The following MTOR variants were observed in gnomAD, a reference collection of about 807,000 sequenced individuals.
MTOR encodes the protein serine/threonine-protein kinase mTOR.
In MTOR, 70 loss-of-function variants were observed where a neutral mutation model predicts 319.8. That is an observed-to-expected ratio of 0.22 (90% CI 0.18 to 0.27). MTOR has a LOEUF of 0.27. Ranked by LOEUF, MTOR falls within the 10% of genes least tolerant of loss-of-function variation. The pLI, the probability that MTOR is intolerant of heterozygous loss-of-function variation, is 1.00. For missense variants in MTOR, 1,890 were observed against 3,274.4 expected (o/e 0.58, Z 10.32); for synonymous variants, 1,183 against 1,211.4 (o/e 0.98, Z 0.49).
At chr1:11,144,531 T>TGGA in intron 34 of MTOR, 117 bp downstream of exon 34, 1 of 746,300 alleles carries the variant, frequency 1.3e-6, no homozygotes, top group Non-Finnish European at 2.3e-6. Flanking sequence ...AGCAATACAC[T>TGGA]GGTGGAGGAG....
At chr1:11,141,256 T>C (rs1237304316) in intron 34 of MTOR, among the ~76,000 whole-genome samples, 1 of 151,490 alleles carries the variant, frequency 6.6e-6, no homozygotes, top group Non-Finnish European at 1.5e-5. Context: ...GCTGGGACTA[T>C]GGGCGCACAT....
chr1:11,258,942 T>A (rs1458562495), intron 2 of MTOR, among the ~76,000 whole-genome samples: 2 of 152,116 alleles, frequency 1.3e-5, no homozygotes, highest in Non-Finnish European at 2.9e-5. Flanking sequence ...CCCATCCCAA[T>A]CACTGTTATC....
At chr1:11,210,994 G>T in intron 23 of MTOR, 88 bp from the exon 24 acceptor site, 1 of 753,856 alleles carries the variant, frequency 1.3e-6, no homozygotes, top group Non-Finnish European at 2.3e-6. Context: ...ACTACATTAT[G>T]ACCATTTCTT....
intron 46 of MTOR, 67 bp from the exon 47 acceptor site, chr1:11,124,700 C>T (rs1416997977): frequency 6.5e-7 from 1 of 1,545,482 alleles, no homozygotes; most frequent in Non-Finnish European, 8.8e-7. Context: ...GAGAGCACCA[C>T]TGCATTCAAG....
chr1:11,122,502 A>AT (rs35016135), intron 47 of MTOR, among the ~76,000 whole-genome samples: 2,769 of 78,734 alleles, frequency 0.035, 123 homozygotes, highest in African/African-American at 0.076. Flanking sequence ...ACCCAGCCCT[A>AT]TTTTTTTTTT....
intron 34 of MTOR, among the ~76,000 whole-genome samples, chr1:11,141,359 T>C (rs1643692978): frequency 6.6e-6 from 1 of 151,978 alleles, no homozygotes; most frequent in East Asian, 1.9e-4. Flanking sequence ...GCTATCTGCC[T>C]GCCTCAGCCT....
intron 28 of MTOR, among the ~76,000 whole-genome samples, chr1:11,196,326 A>T (rs538943771): frequency 1.6e-4 from 25 of 152,286 alleles, no homozygotes; most frequent in African/African-American, 5.3e-4. Context: ...TCTAACAAAT[A>T]ACCACTCAAT....
At chr1:11,215,614 C>T (rs567793322) in intron 20 of MTOR, among the ~76,000 whole-genome samples, 2 of 152,306 alleles carry the variant, frequency 1.3e-5, no homozygotes, top group South Asian at 2.1e-4. Flanking sequence ...GGGGTGTCTT[C>T]TGGCACCTAC....
At position 11,212,912 on chromosome 1, in the gene MTOR, C is replaced by G; in HGVS notation, c.3286-4G>C. 1 of 1,609,180 alleles carries G rather than the reference C, an allele frequency of 6.2e-7. No homozygotes were observed. The highest frequency in any genetic ancestry group is 1.1e-5 in the South Asian group (1 of 90,914). ...ACAGCTGGATTGCAGCCAGTAACTG[C>G]AAAAGGGAGCAAAAGCATGGTGATG... On this transcript the variant is annotated splice_region_variant and splice_polypyrimidine_tract_variant and intron_variant, in intron 21 of 57. Transcript: ENST00000361445. This position sits in a 1 kb window ranked among gnomAD's most constrained non-coding sequence, Gnocchi z 4.1.
rs1642525361 is a variant in MTOR at position 11,121,529 on chromosome 1, T to A, written c.6811-161A>T. ...GAACATGGCAAAAGGAGAAACGAAG[T>A]GACCACTCTAACCTGATGACCACTG... On this transcript the variant is annotated intron_variant, in intron 48 of 57. Coordinates refer to ENST00000361445, the MANE Select transcript of MTOR (RefSeq NM_004958.4). The surrounding 1 kb of genome is among the most constrained non-coding windows in gnomAD (Gnocchi z 4.9). 1.3e-5 allele frequency among the ~76,000 whole-genome samples: 2 copies of A among 152,280 alleles called. No homozygotes were observed. Among genetic ancestry groups the A allele is most frequent in the South Asian group, 4.1e-4 (2 of 4,824 alleles).
intron 26 of MTOR, among the ~76,000 whole-genome samples, chr1:11,200,477 C>A (rs552335606): frequency 2.0e-5 from 3 of 152,158 alleles, no homozygotes; most frequent in Non-Finnish European, 4.4e-5. Flanking sequence ...GACACATTTG[C>A]CATCCCTTAC....
chr1:11,234,408 G>T, intron 13 of MTOR, 143 bp from the exon 14 acceptor site: 2 of 958,892 alleles, frequency 2.1e-6, no homozygotes, highest in Non-Finnish European at 3.1e-6. Context: ...TACTCAATGA[G>T]CAACAGACTT....
intron 36 of MTOR, among the ~76,000 whole-genome samples, chr1:11,135,270 T>C (rs1643348288): frequency 6.6e-6 from 1 of 152,110 alleles, no homozygotes; most frequent in Non-Finnish European, 1.5e-5. Flanking sequence ...TTTTCTGGTT[T>C]TTCTAGAGGG....
At chr1:11,155,454 C>A (rs567963050) in intron 30 of MTOR, among the ~76,000 whole-genome samples, 1 of 152,276 alleles carries the variant, frequency 6.6e-6, no homozygotes, top group South Asian at 2.1e-4. Flanking sequence ...CCCTTATGCC[C>A]TGAAGCAGGT....
At chr1:11,152,530 T>C (rs1461552252) in intron 30 of MTOR, 1 of 152,290 alleles carries the variant, frequency 6.6e-6, no homozygotes, top group East Asian at 1.9e-4. Context: ...TCTCAATACC[T>C]AGCTGTGTGG....
intron 28 of MTOR, among the ~76,000 whole-genome samples, chr1:11,197,770 T>C (rs1254299542): frequency 6.6e-6 from 1 of 152,200 alleles, no homozygotes; most frequent in Non-Finnish European, 1.5e-5. Context: ...CTCGAACTCC[T>C]GACATCAAGT....
At chr1:11,188,815 A>C (rs1241043386) in intron 28 of MTOR, among the ~76,000 whole-genome samples, 2 of 152,244 alleles carry the variant, frequency 1.3e-5, no homozygotes, top group Non-Finnish European at 2.9e-5. Flanking sequence ...CAAATGTGAG[A>C]TAGTGTTAGA....
intron 53 of MTOR, 127 bp from the exon 54 acceptor site, chr1:11,113,044 A>G: frequency 1.0e-6 from 1 of 962,064 alleles, no homozygotes; most frequent in South Asian, 1.5e-5. Flanking sequence ...AAGAGATGAC[A>G]GACATATTAC....
At position 11,109,438 on chromosome 1, in the gene MTOR, G is replaced by A. The variant is rs1270027750; in HGVS notation, c.7448-68C>T. On this transcript the variant is annotated intron_variant, in intron 55 of 57. Coordinates refer to ENST00000361445, the MANE Select transcript of MTOR (RefSeq NM_004958.4). This position sits in a 1 kb window ranked among gnomAD's most constrained non-coding sequence, Gnocchi z 4.0. ...ATACAACAGGTTCAATGGGTGCCCT[G>A]TTTTTCTCAAATATTCACTTTTGTA... 1 of 1,437,240 alleles carries A rather than the reference G, an allele frequency of 7.0e-7. No homozygotes were observed. The highest frequency in any genetic ancestry group is 9.7e-7 in the Non-Finnish European group (1 of 1,029,488). 89.0% of individuals were successfully genotyped at this position (1,437,240 alleles called of 1,614,324 possible). A position where few individuals can be genotyped will look rare whatever the true frequency, so the allele number is the denominator to read the frequency against.
Sources: allele counts gnomAD v4.1 joint callset (sites outside exome capture counted in the v4.1 genomes callset), GRCh38; gene constraint gnomAD v4.1.1; non-coding constraint Gnocchi (gnomAD v3.1); transcripts MANE v1.5; gene names NCBI Gene and HGNC (gene_info 2026-07-23, HGNC 2026-07-21).